The following METAP2 variants were observed in gnomAD, a reference collection of about 807,000 sequenced individuals.
METAP2 encodes the protein methionine aminopeptidase 2.
Under a neutral mutation model 59.4 loss-of-function variants are expected in METAP2, and 25 were observed. The observed-to-expected ratio is 0.42, with a 90% CI of 0.31 to 0.59. METAP2 has a LOEUF of 0.59. Ranked by LOEUF, METAP2 falls within the 20% of genes least tolerant of loss-of-function variation. The pLI, the probability that METAP2 is intolerant of heterozygous loss-of-function variation, is 0.16. For synonymous variants in METAP2, 214 were observed against 194.1 expected, an observed-to-expected ratio of 1.10 and a Z score of -0.85; for missense variants, 366 against 581.2, an observed-to-expected ratio of 0.63 and a Z score of 3.81.
chr12:95,483,038 C>T (rs2076170286), intron 2 of METAP2, among the ~76,000 whole-genome samples, 177 bp from the exon 3 acceptor site: 1 of 152,190 alleles, frequency 6.6e-6, no homozygotes, highest in African/African-American at 2.4e-5. Flanking sequence ...CATGTGCCAC[C>T]ACACCTGGTA....
chr12:95,513,982 A>G lies in METAP2; in HGVS notation c.*78A>G, dbSNP rs959928003. The stretch of plus-strand genomic sequence containing the variant: ...CATGATACCAGAATTAATTTGCCAC[A>G]TGTTGTCTGTTTTAACAGTGGACCC... On this transcript the variant is annotated 3_prime_UTR_variant, in exon 11 of 11. Transcript: ENST00000323666. The G allele has an allele frequency of 2.7e-6, 4 of 1,482,478 alleles. No individual in the cohort carries two copies. The South Asian group carries it at 5.3e-5, about 20-fold the overall frequency. The allele number at this position is 1,482,478 out of a possible 1,614,324, so 91.8% of individuals were successfully genotyped here. A position where few individuals can be genotyped will look rare whatever the true frequency, so the allele number is the denominator to read the frequency against.
At chr12:95,474,530 G>C (rs1594406265) in intron 1 of METAP2, among the ~76,000 whole-genome samples, 200 bp downstream of exon 1, 1 of 152,310 alleles carries the variant, frequency 6.6e-6, no homozygotes, top group East Asian at 1.9e-4. Context: ...GAGGGCTGGT[G>C]GGGGAGAAAA....
At chr12:95,501,371 A>G (rs1029958806) in intron 7 of METAP2, among the ~76,000 whole-genome samples, 4 of 152,162 alleles carry the variant, frequency 2.6e-5, no homozygotes, top group Admixed American at 2.6e-4. Context: ...TTATGTAAAA[A>G]ATAGAATATG....
intron 3 of METAP2, among the ~76,000 whole-genome samples, chr12:95,485,249 C>T (rs2076187461): frequency 6.6e-6 from 1 of 152,148 alleles, no homozygotes; most frequent in Admixed American, 6.5e-5. Flanking sequence ...AAAGGCTAGA[C>T]TTCAACTTTG....
chr12:95,476,751 G>C (rs1218874926), intron 2 of METAP2, among the ~76,000 whole-genome samples: 1 of 152,126 alleles, frequency 6.6e-6, no homozygotes, highest in Non-Finnish European at 1.5e-5. Context: ...GCAAAGTAGT[G>C]AGTATTAATA....
rs2076406212 is a variant in METAP2 at position 95,511,980 on chromosome 12, G to T, written c.1050G>T (p.Gly350=). The change falls in exon 9 of 11, where the codon GGG becomes GGT. Residue 350 remains glycine, a synonymous_variant. Transcript: ENST00000323666. The part of the protein sequence containing the change: ...AGKTVPIVKG[G]EATRMEEGEV... ...AAACAGTGCCGATTGTGAAAGGAGG[G>T]GAGGCAACAAGAATGGAGGTATGTG... is the stretch of plus-strand genomic sequence containing the variant. The T allele has an allele frequency of 6.2e-7, 1 of 1,612,134 alleles. No individual in the cohort carries two copies. Among genetic ancestry groups the T allele is most frequent in the Non-Finnish European group, 8.5e-7 (1 of 1,178,536 alleles).
chr12:95,491,131 C>T (rs540690106), intron 4 of METAP2, among the ~76,000 whole-genome samples: 3 of 148,990 alleles, frequency 2.0e-5, no homozygotes, highest in Non-Finnish European at 3.0e-5. Context: ...TTTGCAGTTT[C>T]CAAGTAATCT....
intron 4 of METAP2, among the ~76,000 whole-genome samples, chr12:95,491,550 G>T (rs994968034): frequency 6.6e-6 from 1 of 151,794 alleles, no homozygotes; most frequent in Admixed American, 6.6e-5. Context: ...TCATTCTGTC[G>T]CCCAGGCTGG....
At chr12:95,509,031 A>G (rs1022117460) in intron 8 of METAP2, among the ~76,000 whole-genome samples, 8 of 152,192 alleles carry the variant, frequency 5.3e-5, no homozygotes, top group Non-Finnish European at 1.2e-4. Context: ...CGGGCCATCA[A>G]AGGAGTATCT....
chr12:95,487,959 A>C (rs894841904), intron 4 of METAP2, among the ~76,000 whole-genome samples: 20 of 152,308 alleles, frequency 1.3e-4, no homozygotes, highest in Middle Eastern at 3.4e-3. Flanking sequence ...ACCATTCTGC[A>C]ATAAACCTCC....
chr12:95,507,141 G>T (rs1460033416), intron 8 of METAP2, among the ~76,000 whole-genome samples: 1 of 152,280 alleles, frequency 6.6e-6, no homozygotes, highest in East Asian at 1.9e-4. Context: ...TTGGGGTTCA[G>T]GCAGTTTTTA....
rs550603516 is a variant in METAP2, at chr12:95,492,786, A to G, written c.429-1270A>G. On this transcript the variant is annotated intron_variant, in intron 4 of 10. Transcript: ENST00000323666. ...AGAGTCAGGTTGGTCTTGAACTACT[A>G]GCCTCAAGTGATCCTCCCACCTTGG... is the stretch of plus-strand genomic sequence containing the variant. Among the ~76,000 whole-genome samples the G allele has an allele frequency of 2.6e-5, 4 of 152,194 alleles. No homozygotes were observed. The South Asian group carries it at 6.2e-4, about 24-fold the overall frequency.
chr12:95,504,685 G>A (rs2076344857), intron 8 of METAP2, among the ~76,000 whole-genome samples: 1 of 151,924 alleles, frequency 6.6e-6, no homozygotes, highest in Non-Finnish European at 1.5e-5. Context: ...TAATTTTTTT[G>A]TAGAGACGAA....
At chr12:95,476,410 G>A (rs1381701417) in intron 2 of METAP2, among the ~76,000 whole-genome samples, 1 of 152,112 alleles carries the variant, frequency 6.6e-6, no homozygotes, top group Non-Finnish European at 1.5e-5. Context: ...AACTTGGGAA[G>A]CTGAGGCAGG....
chr12:95,510,010 T>C (rs1458195992), intron 8 of METAP2, among the ~76,000 whole-genome samples: 2 of 152,154 alleles, frequency 1.3e-5, no homozygotes, highest in African/African-American at 4.8e-5. Flanking sequence ...CTAATTTTTA[T>C]ATTTTTAGTA....
Position 95,483,279 on chromosome 12 carries a change from A to C in METAP2, c.324A>C (p.Gly108=). ...KKKKKKKKKR[G]PKVQTDPPSV... ...AGAAAAAGAAGAAGAAGAAGAGAGG[A>C]CGTTAGTGTCTTAAGTTAATGTTAA... The change falls in exon 3 of 11, where the codon GGA becomes GGC. Residue 108 remains glycine, a splice_region_variant and synonymous_variant. Coordinates refer to ENST00000323666, the MANE Select transcript of METAP2 (RefSeq NM_006838.4). 6.2e-7 allele frequency: 1 copy of C among 1,604,286 alleles called. No homozygotes were observed. The highest frequency in any genetic ancestry group is 8.5e-7 in the Non-Finnish European group (1 of 1,171,204).
At chr12:95,494,927 AAAC>A in intron 5 of METAP2, 27 bp from the exon 6 acceptor site, 1 of 1,582,662 alleles carries the variant, frequency 6.3e-7, no homozygotes, top group Non-Finnish European at 8.6e-7. Context: ...ATGTAAAAGT[AAAC>A]AAGTTCCCTT....
intron 8 of METAP2, among the ~76,000 whole-genome samples, chr12:95,508,980 G>A (rs1250265249): frequency 2.6e-5 from 4 of 152,084 alleles, no homozygotes; most frequent in African/African-American, 7.2e-5. Flanking sequence ...AATGGATTCC[G>A]GGTTGAACTT....
chr12:95,510,540 T>G (rs1020445757), intron 8 of METAP2, among the ~76,000 whole-genome samples: 1 of 152,060 alleles, frequency 6.6e-6, no homozygotes, highest in Non-Finnish European at 1.5e-5. Flanking sequence ...TTGATGAGAG[T>G]GGTGCCTCCA....
Sources: gnomAD v4.1 joint callset for allele counts (sites outside exome capture counted in the v4.1 genomes callset) on GRCh38, gnomAD v4.1.1 for gene constraint, MANE v1.5 for transcripts, NCBI Gene and HGNC (gene_info 2026-07-23, HGNC 2026-07-21) for gene names.